The following MAP2 variants were observed in gnomAD, a reference collection of about 807,000 sequenced individuals.
The protein encoded by MAP2 is microtubule associated protein 2.
Under a neutral mutation model 137.6 loss-of-function variants are expected in MAP2, and 14 were observed. The observed-to-expected ratio is 0.10, with a 90% CI of 0.07 to 0.16. The LOEUF (loss-of-function observed/expected upper bound fraction) is 0.16. Ranked by LOEUF, MAP2 falls within the 10% of genes least tolerant of loss-of-function variation. MAP2 has a pLI of 1.00. For synonymous variants in MAP2, 786 were observed against 782.3 expected (o/e 1.00, Z -0.08); for missense variants, 2,088 against 2,191.5 (o/e 0.95, Z 0.94).
intron 4 of MAP2, among the ~76,000 whole-genome samples, chr2:209,633,710 G>T (rs2093314515): frequency 6.6e-6 from 1 of 152,012 alleles, no homozygotes; most frequent in Non-Finnish European, 1.5e-5. Context: ...AAAGGAGGAA[G>T]AATGAGCTGG....
rs1204628321 is a variant in MAP2, at chr2:209,502,476, AATCCATTC to A, written c.-221-5112_-221-5105del. 5.3e-5 allele frequency among the ~76,000 whole-genome samples: 8 copies of A among 152,310 alleles called. No individual in the cohort carries two copies. The South Asian group carries it at 1.2e-3, about 24-fold the overall frequency. ...TGTGTATAGTAACTCACAATTTTTT[AATCCATTC>A]ATCTGTTGATAGACACTGGTTGTTT... On this transcript the variant is annotated intron_variant, in intron 1 of 15. Coordinates refer to ENST00000682079, the MANE Select transcript of MAP2 (RefSeq NM_001375505.1).
intron 13 of MAP2, among the ~76,000 whole-genome samples, chr2:209,719,961 A>G (rs1294152198): frequency 6.6e-6 from 1 of 152,186 alleles, no homozygotes; most frequent in East Asian, 1.9e-4. Flanking sequence ...ATTGCACCAA[A>G]CCTTAAAGAA....
At chr2:209,565,630 A>C (rs907323434) in intron 2 of MAP2, among the ~76,000 whole-genome samples, 1 of 152,248 alleles carries the variant, frequency 6.6e-6, no homozygotes, top group East Asian at 1.9e-4. Flanking sequence ...CCTTATCCAA[A>C]GTTTTTTTCT....
intron 4 of MAP2, among the ~76,000 whole-genome samples, chr2:209,644,372 T>C (rs988750227): frequency 6.6e-6 from 1 of 152,174 alleles, no homozygotes; most frequent in Non-Finnish European, 1.5e-5. Context: ...CTTGGTGTTA[T>C]TTTTCATATG....
intron 5 of MAP2, among the ~76,000 whole-genome samples, chr2:209,674,029 A>G (rs1294409043): frequency 6.6e-6 from 1 of 151,774 alleles, no homozygotes; most frequent in Non-Finnish European, 1.5e-5. Flanking sequence ...CCCAGGACCT[A>G]TGCATCCAGG....
intron 12 of MAP2, 125 bp downstream of exon 12, chr2:209,705,852 A>G: frequency 2.3e-6 from 2 of 858,362 alleles, no homozygotes; most frequent in Admixed American, 2.9e-5. Flanking sequence ...TATATTTGCC[A>G]TAAGGATCAG....
At chr2:209,573,392 C>T (rs2074767354) in intron 2 of MAP2, among the ~76,000 whole-genome samples, 1 of 145,466 alleles carries the variant, frequency 6.9e-6, no homozygotes, top group African/African-American at 2.6e-5. Flanking sequence ...CTCCTGGGTT[C>T]AAGCAATTCT....
intron 1 of MAP2, among the ~76,000 whole-genome samples, chr2:209,494,348 G>A (rs2059486559): frequency 6.6e-6 from 1 of 151,800 alleles, no homozygotes; most frequent in Non-Finnish European, 1.5e-5. Flanking sequence ...TGTTTGATGG[G>A]TGCAGCAAAC....
intron 7 of MAP2, among the ~76,000 whole-genome samples, chr2:209,687,001 G>T (rs1256423623): frequency 6.6e-6 from 1 of 151,778 alleles, no homozygotes; most frequent in African/African-American, 2.4e-5. Flanking sequence ...TTAGTGTCCT[G>T]CAAATCAGAA....
At chr2:209,575,272 A>G (rs148069542) in intron 2 of MAP2, among the ~76,000 whole-genome samples, 1,799 of 152,234 alleles carry the variant, frequency 0.012, 36 homozygotes, top group African/African-American at 0.037. Flanking sequence ...ATGTAATCCC[A>G]GCACTTTGGG....
In MAP2 at chr2:209,695,167, T is replaced by G; in HGVS notation, c.2997T>G (p.Ala999=). The G allele has an allele frequency of 6.2e-7, 1 of 1,614,172 alleles. No individual in the cohort carries two copies. The highest frequency in any genetic ancestry group is 8.5e-7 in the Non-Finnish European group (1 of 1,180,034). ...TFGLGVTYEQ[A]LAKDLSIPTD... ...GATTAGGAGTAACCTATGAGCAAGC[T>G]TTGGCCAAAGATTTGTCAATACCAA... The change falls in exon 8 of 16, where the codon GCT becomes GCG. Residue 999 remains alanine (A), a synonymous_variant. Transcript: ENST00000682079.
At chr2:209,567,415 A>G (rs764560691) in intron 2 of MAP2, among the ~76,000 whole-genome samples, 2 of 152,152 alleles carry the variant, frequency 1.3e-5, no homozygotes, top group African/African-American at 2.4e-5. Context: ...GGGGAAGGCA[A>G]AACAAAGATA....
intron 1 of MAP2, among the ~76,000 whole-genome samples, chr2:209,448,457 G>A (rs549288692): frequency 1.5e-4 from 23 of 152,188 alleles, no homozygotes; most frequent in Non-Finnish European, 2.6e-4. Context: ...TCTTCACTTG[G>A]TTGTGTTAAT....
chr2:209,656,278 G>A (rs2095139155), intron 5 of MAP2, among the ~76,000 whole-genome samples: 1 of 152,108 alleles, frequency 6.6e-6, no homozygotes, highest in Admixed American at 6.6e-5. Flanking sequence ...CACTTTGGGA[G>A]GCTGAGGTGA....
At chr2:209,576,408 T>A (rs2075381663) in intron 2 of MAP2, among the ~76,000 whole-genome samples, 1 of 151,664 alleles carries the variant, frequency 6.6e-6, no homozygotes, top group Admixed American at 6.6e-5. Flanking sequence ...CACACCCAGC[T>A]AATTTTTGTA....
chr2:209,553,022 T>C (rs1455206383), intron 2 of MAP2, among the ~76,000 whole-genome samples: 14 of 151,924 alleles, frequency 9.2e-5, no homozygotes, highest in Non-Finnish European at 1.9e-4. Context: ...GTTGTTGTTT[T>C]TTTTTTTGAG....
chr2:209,691,772 C>A (rs1007052105), intron 7 of MAP2, among the ~76,000 whole-genome samples: 7 of 152,144 alleles, frequency 4.6e-5, no homozygotes, highest in African/African-American at 1.7e-4. Flanking sequence ...AGGTCATGAC[C>A]ATGGGAATAA....
intron 1 of MAP2, among the ~76,000 whole-genome samples, chr2:209,453,327 T>C (rs935777802): frequency 6.6e-6 from 1 of 152,178 alleles, no homozygotes; most frequent in Non-Finnish European, 1.5e-5. Context: ...GCCATGATAG[T>C]AACGGTTTGG....
In MAP2 at chr2:209,705,572, C is replaced by T; in HGVS notation, c.4585-8C>T. 1 of 1,573,456 alleles carries T rather than the reference C, an allele frequency of 6.4e-7. No individual in the cohort carries two copies. Among genetic ancestry groups the T allele is most frequent in the Non-Finnish European group, 8.6e-7 (1 of 1,162,664 alleles). On this transcript the variant is annotated splice_polypyrimidine_tract_variant and splice_region_variant and intron_variant, in intron 11 of 15. Coordinates refer to ENST00000682079, the MANE Select transcript of MAP2 (RefSeq NM_001375505.1). ...GAACCCAATGTTCTTTTTGTTTTCT[C>T]CAATCAGGACGGAGTAACCAAGAGC...
Sources: gnomAD v4.1 joint callset for allele counts (sites outside exome capture counted in the v4.1 genomes callset) on GRCh38, gnomAD v4.1.1 for gene constraint, MANE v1.5 for transcripts, NCBI Gene and HGNC (gene_info 2026-07-23, HGNC 2026-07-21) for gene names.